Variants in FMNL3 observed in about 807,000 individuals in gnomAD.
FMNL3 encodes formin like 3.
A neutral mutation model predicts 119.6 loss-of-function variants in FMNL3; 57 were observed. That is an observed-to-expected ratio of 0.48 (90% CI 0.39 to 0.59). FMNL3 has a LOEUF of 0.59. Among genes scored for constraint, FMNL3 ranks in the 20% least tolerant of loss-of-function variants. The probability of loss-of-function intolerance (pLI) is 0.00; values close to 1 mark genes in which losing one functional copy is unlikely to be tolerated. For synonymous variants in FMNL3, 491 were observed against 507.3 expected (o/e 0.97, Z 0.43); for missense variants, 1,053 against 1,323.5 (o/e 0.80, Z 3.17).
At chr12:49,704,710 C>CAAA (rs59799899) in intron 1 of FMNL3, among the ~76,000 whole-genome samples, 9 of 37,774 alleles carry the variant, frequency 2.4e-4, no homozygotes, top group Non-Finnish European at 4.6e-4. Context: ...AACTCCATCT[C>CAAA]AAAAAAAAAA....
At position 49,675,808 on chromosome 12, in the gene FMNL3, T is replaced by A. The variant is rs114000456; in HGVS notation, c.127-7254A>T. 5.6e-3 allele frequency among the ~76,000 whole-genome samples: 848 copies of A among 152,334 alleles called. 5 individuals are homozygous for A. The highest frequency in any genetic ancestry group is 0.019 in the African/African-American group (807 of 41,572). On this transcript the variant is annotated intron_variant, in intron 1 of 25. Coordinates refer to ENST00000335154, the MANE Select transcript of FMNL3 (RefSeq NM_175736.5). ...CTTTTTTGACTCCTTATCATTTATA[T>A]GAGAAAACCTGAGCTCCTTGGCCTA...
At position 49,644,181 on chromosome 12, in the gene FMNL3, G is replaced by A. The variant is rs1419715707; in HGVS notation, c.*1634C>T. The A allele has an allele frequency of 6.2e-7, 1 of 1,614,082 alleles. No individual in the cohort carries two copies. Among genetic ancestry groups the A allele is most frequent in the Non-Finnish European group, 8.5e-7 (1 of 1,180,034 alleles). Reference sequence around the variant, plus strand: ...GCGGACACTCCTACAGCAGCTGGATGATCACCAGTGACCCAATGAGCTGTT... The same window carrying A: ...GCGGACACTCCTACAGCAGCTGGATAATCACCAGTGACCCAATGAGCTGTT... On this transcript the variant is annotated 3_prime_UTR_variant, in exon 26 of 26. Coordinates refer to ENST00000335154, the MANE Select transcript of FMNL3 (RefSeq NM_175736.5).
In FMNL3 at chr12:49,707,245, G is replaced by A. The variant is rs1945076831; in HGVS notation, c.-65C>T. 3 of 1,374,320 alleles carry A rather than the reference G, an allele frequency of 2.2e-6. No individual in the cohort carries two copies. Among genetic ancestry groups the A allele is most frequent in the Admixed American group, 3.2e-5 (1 of 31,030 alleles). The allele number at this position is 1,374,320 out of a possible 1,614,324, so 85.1% of individuals were successfully genotyped here. Reference sequence around the variant, plus strand: ...CACGCTCCGGAGCTTTCGGCTCCGCGGCTCCGACCAGGCTCCTCCCTCAGC... The same window carrying A: ...CACGCTCCGGAGCTTTCGGCTCCGCAGCTCCGACCAGGCTCCTCCCTCAGC... On this transcript the variant is annotated 5_prime_UTR_variant, in exon 1 of 26. Coordinates refer to ENST00000335154, the MANE Select transcript of FMNL3 (RefSeq NM_175736.5).
At chr12:49,653,136 A>T (rs966938016) in intron 13 of FMNL3, 90 bp downstream of exon 13, 26 of 1,170,708 alleles carry the variant, frequency 2.2e-5, no homozygotes, top group Non-Finnish European at 3.0e-5. Context: ...AATCCTAGAG[A>T]ACTTGATATG....
Position 49,636,692 on chromosome 12 carries a change from G to A in FMNL3, c.*9123C>T, listed in dbSNP as rs749260225. 3.5e-5 allele frequency: 56 copies of A among 1,613,146 alleles called. No individual in the cohort carries two copies. Among genetic ancestry groups the A allele is most frequent in the Admixed American group, 1.3e-4 (8 of 59,990 alleles). On this transcript the variant is annotated 3_prime_UTR_variant, in exon 26 of 26. Transcript: ENST00000335154. ...AGGGTATCCTGCTGGGACAATGCCC[G>A]CGGAACCTCCTGCCTGTCTTTAGAC...
chr12:49,659,692 G>T, intron 5 of FMNL3: 1 of 868,586 alleles, frequency 1.2e-6, no homozygotes, highest in Non-Finnish European at 1.4e-6. Context: ...GGGATTACAT[G>T]TGTGAGCCAC....
intron 1 of FMNL3, among the ~76,000 whole-genome samples, chr12:49,696,347 A>C (rs1396092288): frequency 2.6e-5 from 4 of 152,152 alleles, no homozygotes; most frequent in Non-Finnish European, 5.9e-5. Flanking sequence ...CAAACTCCAC[A>C]GGCCCCATGG....
intron 1 of FMNL3, among the ~76,000 whole-genome samples, chr12:49,702,826 A>AGG (rs1944945621): frequency 1.3e-5 from 2 of 151,852 alleles, no homozygotes; most frequent in African/African-American, 4.8e-5. Flanking sequence ...GAACTAATTC[A>AGG]CCACAATCCT....
intron 1 of FMNL3, among the ~76,000 whole-genome samples, chr12:49,672,067 A>T (rs896909979): frequency 2.0e-5 from 3 of 152,226 alleles, no homozygotes; most frequent in African/African-American, 7.2e-5. Flanking sequence ...TGTTCAACAC[A>T]GTCCCCCTCA....
In FMNL3 at chr12:49,643,430, A is replaced by G; in HGVS notation, c.*2385T>C. Reference sequence around the variant, plus strand: ...GTTGCTGTGAGCGTAGAAGCTGGAGAACTGTTGTCCCAGACTGAGAGGATG... The same window carrying G: ...GTTGCTGTGAGCGTAGAAGCTGGAGGACTGTTGTCCCAGACTGAGAGGATG... On this transcript the variant is annotated 3_prime_UTR_variant, in exon 26 of 26. Coordinates refer to ENST00000335154, the MANE Select transcript of FMNL3 (RefSeq NM_175736.5). The G allele has an allele frequency of 6.5e-7, 1 of 1,530,514 alleles. No individual in the cohort carries two copies. The highest frequency in any genetic ancestry group is 1.4e-5 in the African/African-American group (1 of 72,158). The allele number at this position is 1,530,514 out of a possible 1,614,324, so 94.8% of individuals were successfully genotyped here.
chr12:49,693,003 C>A (rs1020575947), intron 1 of FMNL3, among the ~76,000 whole-genome samples: 1 of 152,068 alleles, frequency 6.6e-6, no homozygotes. Flanking sequence ...CGAAAGAGGG[C>A]TAATGTGGAA....
At chr12:49,652,367 AAGCTGGAAGGC>A in intron 13 of FMNL3, 155 bp from the exon 14 acceptor site, 3 of 1,387,588 alleles carry the variant, frequency 2.2e-6, no homozygotes, top group Non-Finnish European at 1.9e-6. Flanking sequence ...GGGAATGAGG[AAGCTGGAAGGC>A]AGCAAAACAA....
chr12:49,636,675 C>T lies in FMNL3; in HGVS notation c.*9140G>A. On this transcript the variant is annotated 3_prime_UTR_variant, in exon 26 of 26. Coordinates refer to ENST00000335154, the MANE Select transcript of FMNL3 (RefSeq NM_175736.5). ...GGGTGCTGGGGTCTGAGAGGGTATCCTGCTGGGACAATGCCCGCGGAACCT... is the reference window on the plus strand; with the variant it reads ...GGGTGCTGGGGTCTGAGAGGGTATCTTGCTGGGACAATGCCCGCGGAACCT... The T allele has an allele frequency of 6.2e-7, 1 of 1,611,598 alleles. No individual in the cohort carries two copies. Among genetic ancestry groups the T allele is most frequent in the South Asian group, 1.1e-5 (1 of 91,064 alleles).
At chr12:49,662,376 C>T (rs548084725) in intron 4 of FMNL3, among the ~76,000 whole-genome samples, 1 of 152,304 alleles carries the variant, frequency 6.6e-6, no homozygotes, top group East Asian at 1.9e-4. Context: ...TGTCCTTGCT[C>T]AGTGTTTGTT....
chr12:49,685,787 C>G (rs759713127), intron 1 of FMNL3, among the ~76,000 whole-genome samples: 3 of 152,218 alleles, frequency 2.0e-5, no homozygotes, highest in Non-Finnish European at 4.4e-5. Context: ...CTATTTAAGG[C>G]TGGGTGCGGT....
rs1303186707 is a variant in FMNL3 at position 49,649,762 on chromosome 12, G to A, written c.2164C>T (p.Arg722Trp). The A allele has an allele frequency of 4.3e-6, 7 of 1,614,068 alleles. No homozygotes were observed. The highest frequency in any genetic ancestry group is 1.7e-5 in the Admixed American group (1 of 60,006). ...RFMLLFSKVE[R>W]LTQRMAGMAF... The stretch of plus-strand genomic sequence containing the variant: ...ATGCCAGCCATTCGCTGGGTCAACC[G>A]TTCCACCTTGCTGAAGAGCAGCATG... The change falls in exon 18 of 26, where the codon CGG becomes TGG. Residue 722 changes from arginine to tryptophan, a missense_variant. Transcript: ENST00000335154. The surrounding 1 kb of genome is among the most constrained non-coding windows in gnomAD (Gnocchi z 5.6).
In FMNL3 at chr12:49,637,820, T is replaced by C; in HGVS notation, c.*7995A>G. 6.2e-7 allele frequency: 1 copy of C among 1,605,104 alleles called. No individual in the cohort carries two copies. Among genetic ancestry groups the C allele is most frequent in the Non-Finnish European group, 8.5e-7 (1 of 1,172,284 alleles). ...GAAAAGAAGATCATTAAGGACATCC[T>C]TAAGGTGAGGGAGGCTGGGGTTATG... On this transcript the variant is annotated 3_prime_UTR_variant, in exon 26 of 26. Coordinates refer to ENST00000335154, the MANE Select transcript of FMNL3 (RefSeq NM_175736.5).
Position 49,643,782 on chromosome 12 carries a change from T to C in FMNL3, c.*2033A>G. On this transcript the variant is annotated 3_prime_UTR_variant, in exon 26 of 26. Coordinates refer to ENST00000335154, the MANE Select transcript of FMNL3 (RefSeq NM_175736.5). Reference sequence around the variant, plus strand: ...GTGAAGGAACTTCTACCTAAGCCCCTGCTATTTTGTGAGTTCTGTTCTACC... The same window carrying C: ...GTGAAGGAACTTCTACCTAAGCCCCCGCTATTTTGTGAGTTCTGTTCTACC... 4 of 1,613,584 alleles carry C rather than the reference T, an allele frequency of 2.5e-6. No homozygotes were observed. Among genetic ancestry groups the C allele is most frequent in the Non-Finnish European group, 3.4e-6 (4 of 1,179,870 alleles).
At position 49,641,096 on chromosome 12, in the gene FMNL3, G is replaced by A. The variant is rs922289818; in HGVS notation, c.*4719C>T. ...TGAGAGCCAGACTTTGAACTCCAGT[G>A]GCTTCATTTACCACTCATGTCATCT... is the stretch of plus-strand genomic sequence containing the variant. On this transcript the variant is annotated 3_prime_UTR_variant, in exon 26 of 26. Transcript: ENST00000335154. 6.6e-6 allele frequency: 1 copy of A among 152,210 alleles called. No individual in the cohort carries two copies. The highest frequency in any genetic ancestry group is 1.5e-5 in the Non-Finnish European group (1 of 68,054). 9.4% of individuals were successfully genotyped at this position (152,210 alleles called of 1,614,324 possible).
Sources: allele counts gnomAD v4.1 joint callset (sites outside exome capture counted in the v4.1 genomes callset), GRCh38; gene constraint gnomAD v4.1.1; non-coding constraint Gnocchi (gnomAD v3.1); transcripts MANE v1.5; gene names NCBI Gene and HGNC (gene_info 2026-07-23, HGNC 2026-07-21).